COBL: variants seen among roughly 807,000 people sequenced by gnomAD.
COBL encodes the protein cordon-bleu WH2 repeat protein.
In COBL, 51 loss-of-function variants were observed where a neutral mutation model predicts 98.8. The observed-to-expected ratio is 0.52, with a 90% CI of 0.41 to 0.65. COBL has a LOEUF of 0.65. COBL is among the 30% of genes least tolerant of loss of function. COBL has a pLI of 0.00. For missense variants in COBL, 1,617 were observed against 1,617.5 expected (o/e 1.00, Z 0.01); for synonymous variants, 634 against 651.7 (o/e 0.97, Z 0.41).
rs1244276814 is a variant in COBL at position 51,028,097 on chromosome 7, C to T, written c.2999G>A (p.Ser1000Asn). 1.2e-6 allele frequency: 2 copies of T among 1,613,964 alleles called. No individual in the cohort carries two copies. Among genetic ancestry groups the T allele is most frequent in the East Asian group, 2.2e-5 (1 of 44,898 alleles). The change falls in exon 10 of 13, where the codon AGC becomes AAC. Residue 1000 changes from serine (S) to asparagine (N), a missense_variant. Physicochemically the swap from Ser to Asn is conservative, Grantham distance 46. Around this residue, in one of 3 missense-constraint regions of COBL, gnomAD observed 1,304 missense variants for 1,282.0 expected, o/e 1.02. Coordinates refer to ENST00000265136, the MANE Select transcript of COBL (RefSeq NM_015198.5). The part of the protein sequence containing the change: ...GQSCGFSGKQ[S>N]TSSQEASSAS... Reference sequence around the variant, plus strand: ...TGAGCTGGCCTCCTGGCTACTTGTGCTTTGCTTTCCACTGAAACCACAGCT... The same window carrying T: ...TGAGCTGGCCTCCTGGCTACTTGTGTTTTGCTTTCCACTGAAACCACAGCT...
intron 5 of COBL, among the ~76,000 whole-genome samples, chr7:51,154,722 C>A (rs1057352553): frequency 6.6e-6 from 1 of 152,138 alleles, no homozygotes; most frequent in Non-Finnish European, 1.5e-5. Flanking sequence ...TGGGCATGGG[C>A]AATTTTCACA....
intron 1 of COBL, among the ~76,000 whole-genome samples, chr7:51,303,927 T>C (rs1802230787): frequency 6.6e-6 from 1 of 152,196 alleles, no homozygotes. Flanking sequence ...GCTGACTGCA[T>C]GCACACCAAC....
intron 1 of COBL, among the ~76,000 whole-genome samples, chr7:51,236,018 C>CA (rs34367337): frequency 1.4e-3 from 214 of 151,922 alleles, no homozygotes; most frequent in African/African-American, 4.6e-3. Flanking sequence ...ATAATGTTTT[C>CA]AAAAAAAACC....
At chr7:51,203,861 T>G (rs936707583) in intron 2 of COBL, among the ~76,000 whole-genome samples, 4 of 152,184 alleles carry the variant, frequency 2.6e-5, no homozygotes, top group Non-Finnish European at 4.4e-5. Context: ...GAGGGCCTAT[T>G]TCCAAACAAA....
Position 51,085,521 on chromosome 7 carries a change from G to A in COBL, c.958-217C>T, listed in dbSNP as rs530563064. Among the ~76,000 whole-genome samples, 265 of 152,322 alleles carry A rather than the reference G, an allele frequency of 1.7e-3. 1 individual carries two copies. The highest frequency in any genetic ancestry group is 5.6e-3 in the African/African-American group (233 of 41,570). ...CAGCGGATGTCCAAGGAGTGGCCTG[G>A]AGGTGGCACAGTGTTGCTCATAGAC... is the stretch of plus-strand genomic sequence containing the variant. On this transcript the variant is annotated intron_variant, in intron 6 of 12. Transcript: ENST00000265136.
intron 6 of COBL, among the ~76,000 whole-genome samples, chr7:51,091,402 G>A (rs1794798711): frequency 6.6e-6 from 1 of 152,172 alleles, no homozygotes; most frequent in Admixed American, 6.5e-5. Context: ...CACTGGAGGA[G>A]TTCAACAGCA....
chr7:51,122,889 G>A (rs897969053), intron 6 of COBL, among the ~76,000 whole-genome samples: 3 of 151,538 alleles, frequency 2.0e-5, no homozygotes, highest in Admixed American at 2.0e-4. Context: ...TGATGCAGGA[G>A]AATCGCTTGA....
chr7:51,141,603 G>A lies in COBL; in HGVS notation c.784-5272C>T, dbSNP rs183352871. ...TGCCTGCAGCCTCCTCTCCTTAGAC[G>A]ATGCTGCCCCCTTTTGAAAGGCTTT... On this transcript the variant is annotated intron_variant, in intron 5 of 12. Transcript: ENST00000265136. 6.4e-4 allele frequency among the ~76,000 whole-genome samples: 97 copies of A among 152,030 alleles called. No homozygotes were observed. In the South Asian group the frequency reaches 9.4e-3, roughly 15 times the overall value.
At chr7:51,056,207 T>C (rs917209895) in intron 7 of COBL, among the ~76,000 whole-genome samples, 1 of 97,674 alleles carries the variant, frequency 1.0e-5, no homozygotes, top group Non-Finnish European at 1.9e-5. Flanking sequence ...AAAGAAACAA[T>C]ATGGGGGGGT....
intron 7 of COBL, among the ~76,000 whole-genome samples, chr7:51,049,380 GAA>G (rs796143648): frequency 1.3e-5 from 2 of 152,280 alleles, no homozygotes; most frequent in African/African-American, 4.8e-5. Context: ...TGGCATTGGG[GAA>G]AAAGACTTGG....
At position 51,060,003 on chromosome 7, in the gene COBL, C is replaced by T. The variant is rs552958981; in HGVS notation, c.1097-16311G>A. Among the ~76,000 whole-genome samples, 17 of 152,262 alleles carry T rather than the reference C, an allele frequency of 1.1e-4. No homozygotes were observed. In the South Asian group the frequency reaches 3.5e-3, roughly 32 times the overall value. On this transcript the variant is annotated intron_variant, in intron 7 of 12. Coordinates refer to ENST00000265136, the MANE Select transcript of COBL (RefSeq NM_015198.5). ...GTCTTGAATAAACCCTCCACAGGCCCTCCCTTCATCATGGGTCCTGCCGTA... is the reference window on the plus strand; with the variant it reads ...GTCTTGAATAAACCCTCCACAGGCCTTCCCTTCATCATGGGTCCTGCCGTA...
intron 2 of COBL, among the ~76,000 whole-genome samples, chr7:51,210,413 C>G (rs1792300431): frequency 6.6e-6 from 1 of 152,204 alleles, no homozygotes; most frequent in Non-Finnish European, 1.5e-5. Context: ...GAGGAAACCT[C>G]AGACACCATC....
In COBL at chr7:51,316,587, G is replaced by A. The variant is rs1001742605; in HGVS notation, c.41+6C>T. The A allele has an allele frequency of 2.5e-6, 3 of 1,208,452 alleles. No individual in the cohort carries two copies. Among genetic ancestry groups the A allele is most frequent in the Non-Finnish European group, 1.0e-6 (1 of 973,028 alleles). The allele number at this position is 1,208,452 out of a possible 1,614,324, so 74.9% of individuals were successfully genotyped here. The stretch of plus-strand genomic sequence containing the variant: ...CTCCACCCCGCCCGACCGCGGGGCC[G>A]CTTACCCGGTCGGGGGCTTGGCCGC... On this transcript the variant is annotated splice_donor_region_variant and intron_variant, in intron 1 of 12. Transcript: ENST00000265136.
At chr7:51,125,355 AC>A (rs1444139429) in intron 6 of COBL, among the ~76,000 whole-genome samples, 1 of 152,090 alleles carries the variant, frequency 6.6e-6, no homozygotes, top group Admixed American at 6.5e-5. Flanking sequence ...GGAGGAACCA[AC>A]CTTGCTGACA....
At chr7:51,150,753 CAG>C (rs757137150) in intron 5 of COBL, among the ~76,000 whole-genome samples, 1 of 152,180 alleles carries the variant, frequency 6.6e-6, no homozygotes, top group South Asian at 2.1e-4. Flanking sequence ...CAAGATTGGG[CAG>C]AGACCACAGG....
At chr7:51,050,358 C>T (rs1790116732) in intron 7 of COBL, among the ~76,000 whole-genome samples, 1 of 152,196 alleles carries the variant, frequency 6.6e-6, no homozygotes, top group African/African-American at 2.4e-5. Context: ...CACTGTAACA[C>T]AGAGCTGTGT....
At chr7:51,297,706 C>T (rs112838825) in intron 1 of COBL, among the ~76,000 whole-genome samples, 4,101 of 152,188 alleles carry the variant, frequency 0.027, 181 homozygotes, top group African/African-American at 0.093. Context: ...AAAATCTTTA[C>T]ATAAACAACA....
At chr7:51,207,881 C>T (rs1333786823) in intron 2 of COBL, among the ~76,000 whole-genome samples, 3 of 151,896 alleles carry the variant, frequency 2.0e-5, no homozygotes, top group African/African-American at 7.3e-5. Context: ...GCGTCTCTGC[C>T]TGGCCGCCCA....
At chr7:51,221,419 C>T (rs762349073) in intron 1 of COBL, among the ~76,000 whole-genome samples, 4 of 152,198 alleles carry the variant, frequency 2.6e-5, no homozygotes, top group Admixed American at 6.5e-5. Flanking sequence ...CCCAACCATA[C>T]ATTAATAAAT....
Sources: allele counts gnomAD v4.1 joint callset (sites outside exome capture counted in the v4.1 genomes callset), GRCh38; gene constraint gnomAD v4.1.1; regional missense constraint gnomAD v4.1.1; transcripts MANE v1.5; gene names NCBI Gene and HGNC (gene_info 2026-07-23, HGNC 2026-07-21).